PTP4A1: variants seen among roughly 807,000 people sequenced by gnomAD.
PTP4A1 encodes protein tyrosine phosphatase type IVA 1.
In PTP4A1, 9 loss-of-function variants were observed where a neutral mutation model predicts 20.5. The ratio of observed to expected loss-of-function variants is 0.44; its 90% CI spans 0.26 to 0.77. PTP4A1 has a LOEUF of 0.77. Among genes scored for constraint, PTP4A1 ranks in the 30% least tolerant of loss-of-function variants. The pLI is 0.19. For synonymous variants in PTP4A1, 78 were observed against 67.4 expected, an observed-to-expected ratio of 1.16 and a Z score of -0.77; for missense variants, 137 against 218.8, an observed-to-expected ratio of 0.63 and a Z score of 2.36.
chr6:63,571,696 T>C (rs2149504661), upstream of PTP4A1: 1 of 152,350 alleles, frequency 6.6e-6, no homozygotes, highest in Admixed American at 6.5e-5. Flanking sequence ...ATGCATGTGA[T>C]TTCGAAATGC....
chr6:63,517,921 G>A (rs555674538), upstream of PTP4A1, among the ~76,000 whole-genome samples: 15 of 152,222 alleles, frequency 9.9e-5, no homozygotes, highest in South Asian at 3.1e-3. Context: ...TGGGAGTCCA[G>A]GCAAGTGGAT....
At chr6:63,556,796 C>T (rs1488020745) in intron 3 of PTP4A1, among the ~76,000 whole-genome samples, 7 of 152,080 alleles carry the variant, frequency 4.6e-5, no homozygotes, top group East Asian at 1.9e-4. Context: ...AGTTGTTAAT[C>T]GACTTTTACA....
intron 2 of PTP4A1, among the ~76,000 whole-genome samples, chr6:63,537,593 G>A (rs1447127419): frequency 6.6e-6 from 1 of 152,186 alleles, no homozygotes; most frequent in Non-Finnish European, 1.5e-5. Flanking sequence ...CAATGAATTA[G>A]TTGAATTCTG....
intron 2 of PTP4A1, among the ~76,000 whole-genome samples, chr6:63,537,050 T>C (rs2149481323): frequency 6.6e-6 from 1 of 152,146 alleles, no homozygotes; most frequent in Admixed American, 6.5e-5. Context: ...AAATTAAATA[T>C]TTGTTAAATT....
At position 63,581,323 on chromosome 6, in the gene PTP4A1, A is replaced by G. The variant is rs1024294513; in HGVS notation, c.*1149A>G. 1 of 152,580 alleles carries G rather than the reference A, an allele frequency of 6.6e-6. No individual in the cohort carries two copies. The highest frequency in any genetic ancestry group is 1.5e-5 in the Non-Finnish European group (1 of 67,998). The allele number at this position is 152,580 out of a possible 1,614,324, so 9.5% of individuals were successfully genotyped here. A position where few individuals can be genotyped will look rare whatever the true frequency, so the allele number is the denominator to read the frequency against. ...GATGTGTATTAATGTTAGTTCAACC[A>G]TATATTTATACTGTCTGGGGATGTG... On this transcript the variant is annotated 3_prime_UTR_variant, in exon 6 of 6. Transcript: ENST00000626021.
intron 1 of PTP4A1, among the ~76,000 whole-genome samples, chr6:63,527,590 A>T (rs1427806592): frequency 6.6e-6 from 1 of 152,226 alleles, no homozygotes; most frequent in Non-Finnish European, 1.5e-5. Context: ...TACTTCCCAT[A>T]CATTAACTAT....
intron 3 of PTP4A1, among the ~76,000 whole-genome samples, chr6:63,552,074 G>T (rs1291824567): frequency 6.6e-6 from 1 of 152,100 alleles, no homozygotes; most frequent in East Asian, 1.9e-4. Context: ...GGGATGGCTG[G>T]GTCAAATGGT....
intron 3 of PTP4A1, among the ~76,000 whole-genome samples, chr6:63,554,742 G>A (rs537062398): frequency 6.6e-5 from 10 of 152,160 alleles, no homozygotes; most frequent in South Asian, 4.2e-4. Context: ...AGCTGAAATC[G>A]CACCACTACA....
At chr6:63,574,590 G>A (rs970276142) in intron 1 of PTP4A1, among the ~76,000 whole-genome samples, 3 of 152,152 alleles carry the variant, frequency 2.0e-5, no homozygotes, top group African/African-American at 7.2e-5. Flanking sequence ...CTTACATGAA[G>A]GGATATGGCC....
In PTP4A1 at chr6:63,581,335, T is replaced by C. The variant is rs970058852; in HGVS notation, c.*1161T>C. 1 of 152,732 alleles carries C rather than the reference T, an allele frequency of 6.5e-6. No individual in the cohort carries two copies. Among genetic ancestry groups the C allele is most frequent in the Middle Eastern group, 3.4e-3 (1 of 294 alleles). 9.5% of individuals were successfully genotyped at this position (152,732 alleles called of 1,614,324 possible). A position where few individuals can be genotyped will look rare whatever the true frequency, so the allele number is the denominator to read the frequency against. Reference sequence around the variant, plus strand: ...TGTTAGTTCAACCATATATTTATACTGTCTGGGGATGTGTGGTTATAGTTC... The same window carrying C: ...TGTTAGTTCAACCATATATTTATACCGTCTGGGGATGTGTGGTTATAGTTC... On this transcript the variant is annotated 3_prime_UTR_variant, in exon 6 of 6. Transcript: ENST00000626021.
rs937849158 is a variant in PTP4A1, at chr6:63,583,539, T to TTA, written c.*3373_*3374dup. The TTA allele has an allele frequency of 6.6e-6, 1 of 152,210 alleles. No homozygotes were observed. The allele number at this position is 152,210 out of a possible 1,614,324, so 9.4% of individuals were successfully genotyped here. A position where few individuals can be genotyped will look rare whatever the true frequency, so the allele number is the denominator to read the frequency against. ...GAAAGGATTGATGGTGATTTTATAATTATATATATTGCCGCAGTAACCAGT... is the reference window on the plus strand; with the variant it reads ...GAAAGGATTGATGGTGATTTTATAATTATATATATATTGCCGCAGTAACCAGT... On this transcript the variant is annotated 3_prime_UTR_variant, in exon 6 of 6. Transcript: ENST00000626021.
intron 2 of PTP4A1, chr6:63,528,127 G>A (rs1318036034): frequency 6.6e-6 from 1 of 152,176 alleles, no homozygotes; most frequent in Non-Finnish European, 1.5e-5. Flanking sequence ...TCATCTTAAA[G>A]CCATAGAGTG....
chr6:63,516,464 A>C, the PTP4A1 span, among the ~76,000 whole-genome samples: 1 of 152,212 alleles, frequency 6.6e-6, no homozygotes, highest in African/African-American at 2.4e-5. Flanking sequence ...GTAGTGCTTG[A>C]GAGCTCTGAA....
In PTP4A1 at chr6:63,531,409, T is replaced by A. The variant is rs1581912639; in HGVS notation, c.-640+3325T>A. Among the ~76,000 whole-genome samples, 3 of 149,300 alleles carry A rather than the reference T, an allele frequency of 2.0e-5. No homozygotes were observed. The Admixed American group carries it at 2.0e-4, about 10-fold the overall frequency. ...AACATTTATTTGGAAAGAAAAAACA[T>A]AACAAATTATAATTTTTAATGCAAA... is the stretch of plus-strand genomic sequence containing the variant. On this transcript the variant is annotated intron_variant, in intron 2 of 3. Transcript: ENST00000639568.
At chr6:63,544,255 T>C (rs1388938929) in intron 2 of PTP4A1, among the ~76,000 whole-genome samples, 1 of 152,224 alleles carries the variant, frequency 6.6e-6, no homozygotes, top group African/African-American at 2.4e-5. Context: ...AAAGAATTCC[T>C]GCCTATTTTC....
intron 3 of PTP4A1, among the ~76,000 whole-genome samples, chr6:63,560,167 G>A (rs988405592): frequency 3.3e-5 from 5 of 151,690 alleles, no homozygotes; most frequent in South Asian, 2.1e-4. Flanking sequence ...GGGAAACCCC[G>A]TCTCTACTAA....
intron 3 of PTP4A1, among the ~76,000 whole-genome samples, chr6:63,553,407 G>C (rs983740805): frequency 2.0e-5 from 3 of 152,202 alleles, no homozygotes; most frequent in Non-Finnish European, 4.4e-5. Context: ...GTGTTCAGTA[G>C]TGAAAGCCAA....
chr6:63,576,010 AATC>A (rs1322766784), intron 1 of PTP4A1, among the ~76,000 whole-genome samples: 3 of 151,710 alleles, frequency 2.0e-5, no homozygotes, highest in Non-Finnish European at 4.4e-5. Flanking sequence ...TAGTTGGAAA[AATC>A]AACATAAAGT....
chr6:63,550,134 TA>T (rs1231081544), intron 2 of PTP4A1, among the ~76,000 whole-genome samples: 1 of 152,160 alleles, frequency 6.6e-6, no homozygotes, highest in Non-Finnish European at 1.5e-5. Flanking sequence ...AGAAAAACTT[TA>T]AAACTGAGAA....
Sources: gnomAD v4.1 joint callset for allele counts (sites outside exome capture counted in the v4.1 genomes callset) on GRCh38, gnomAD v4.1.1 for gene constraint, MANE v1.5 for transcripts, NCBI Gene and HGNC (gene_info 2026-07-23, HGNC 2026-07-21) for gene names.